The following KIAA2012 variants were observed in gnomAD, a reference collection of about 807,000 sequenced individuals.
KIAA2012 encodes the protein KIAA2012, also known as uncharacterized protein KIAA2012.
KIAA2012 carries 125 observed loss-of-function variants against 150.6 expected under a neutral mutation model. The ratio of observed to expected loss-of-function variants is 0.83; its 90% CI spans 0.72 to 0.96. The LOEUF is 0.96. Ranked by LOEUF, KIAA2012 falls within the 40% of genes least tolerant of loss-of-function variation. KIAA2012 has a pLI of 0.00. For missense variants in KIAA2012, 1,219 were observed against 1,354.9 expected (o/e 0.90, Z 1.57); for synonymous variants, 462 against 504.7 (o/e 0.92, Z 1.13).
chr2:202,086,167 C>CAAAAAAAAAAAAAA (rs56207993), intron 2 of KIAA2012, among the ~76,000 whole-genome samples: 1 of 90,144 alleles, frequency 1.1e-5, no homozygotes, highest in Non-Finnish European at 2.1e-5. Flanking sequence ...AACTCTGTCT[C>CAAAAAAAAAAAAAA]AAAAAAAAAA....
intron 11 of KIAA2012, among the ~76,000 whole-genome samples, chr2:202,124,860 G>A (rs770424733): frequency 4.6e-5 from 7 of 152,084 alleles, no homozygotes; most frequent in African/African-American, 7.2e-5. Context: ...ACTTGAGGTC[G>A]GGAGTCGAGA....
intron 14 of KIAA2012, among the ~76,000 whole-genome samples, chr2:202,161,043 G>A (rs1045733912): frequency 3.9e-5 from 6 of 152,168 alleles, no homozygotes; most frequent in Non-Finnish European, 1.5e-5. Flanking sequence ...AGGATGGCTG[G>A]AAGGTTTTCC....
intron 21 of KIAA2012, among the ~76,000 whole-genome samples, chr2:202,194,586 T>G (rs1692380866): frequency 6.6e-6 from 1 of 152,232 alleles, no homozygotes. Flanking sequence ...AGAGTCCCTT[T>G]GCCCTTTCGG....
chr2:202,074,691 C>T (rs1309122984), intron 1 of KIAA2012, among the ~76,000 whole-genome samples, 200 bp from the exon 2 acceptor site: 3 of 152,152 alleles, frequency 2.0e-5, no homozygotes, highest in Non-Finnish European at 4.4e-5. Context: ...TGAAATAGAA[C>T]CATGCCCTGG....
chr2:202,099,830 G>C, intron 6 of KIAA2012, 34 bp downstream of exon 6: 1 of 1,514,578 alleles, frequency 6.6e-7, no homozygotes, highest in Non-Finnish European at 8.9e-7. Context: ...ATTGATCTGG[G>C]TAAAGCCAGT....
chr2:202,138,920 G>C (rs550308973), intron 13 of KIAA2012, among the ~76,000 whole-genome samples: 1 of 152,294 alleles, frequency 6.6e-6, no homozygotes, highest in East Asian at 1.9e-4. Flanking sequence ...GGAGGATGGT[G>C]CTTCATCTAG....
intron 2 of KIAA2012, among the ~76,000 whole-genome samples, chr2:202,086,935 T>G (rs1689586104): frequency 6.6e-6 from 1 of 152,204 alleles, no homozygotes; most frequent in African/African-American, 2.4e-5. Context: ...GCTTTAAATC[T>G]GTTGCTCCCA....
At chr2:202,174,124 C>CCTGGCTA (rs1691948520) in intron 15 of KIAA2012, among the ~76,000 whole-genome samples, 1 of 152,150 alleles carries the variant, frequency 6.6e-6, no homozygotes, top group African/African-American at 2.4e-5. Context: ...CACCACCGCA[C>CCTGGCTA]CTGGCTAATT....
chr2:202,192,983 A>G (rs1440980537), intron 19 of KIAA2012, among the ~76,000 whole-genome samples: 5 of 152,306 alleles, frequency 3.3e-5, no homozygotes, highest in Middle Eastern at 3.4e-3. Flanking sequence ...TCTAGAACCT[A>G]CCATGTACTG....
intron 9 of KIAA2012, among the ~76,000 whole-genome samples, chr2:202,107,635 GA>G (rs1396083902): frequency 1.3e-5 from 2 of 152,116 alleles, no homozygotes; most frequent in African/African-American, 4.8e-5. Flanking sequence ...CTGCCAGGAG[GA>G]AACTGGTTTA....
At chr2:202,136,674 C>T (rs1410584156) in intron 12 of KIAA2012, 1 of 152,352 alleles carries the variant, frequency 6.6e-6, no homozygotes, top group Non-Finnish European at 1.5e-5. Context: ...CCGCGCCGGC[C>T]GACGAGCGAG....
intron 12 of KIAA2012, among the ~76,000 whole-genome samples, chr2:202,135,421 A>C (rs778133453): frequency 6.6e-6 from 1 of 152,172 alleles, no homozygotes; most frequent in Non-Finnish European, 1.5e-5. Flanking sequence ...CTTTGACTTG[A>C]TAACAGTTTC....
At position 202,134,585 on chromosome 2, in the gene KIAA2012, G is replaced by T. The variant is rs572253228; in HGVS notation, c.1832-3847G>T. 3.9e-5 allele frequency among the ~76,000 whole-genome samples: 6 copies of T among 152,230 alleles called. No homozygotes were observed. The East Asian group carries it at 1.2e-3, about 29-fold the overall frequency. Reference sequence around the variant, plus strand: ...TCTTTCTTTTTTGAGACAGAGTTTCGCTCTTGTTGCCCAGGCTGGAGTGCA... The same window carrying T: ...TCTTTCTTTTTTGAGACAGAGTTTCTCTCTTGTTGCCCAGGCTGGAGTGCA... On this transcript the variant is annotated intron_variant, in intron 12 of 23. Transcript: ENST00000498697.
intron 21 of KIAA2012, 137 bp downstream of exon 21, chr2:202,194,499 A>G: frequency 1.1e-6 from 1 of 911,740 alleles, no homozygotes. Context: ...CTATTTTTCA[A>G]AGTGATTATG....
At chr2:202,175,169 C>T (rs1345705866) in intron 15 of KIAA2012, among the ~76,000 whole-genome samples, 1 of 152,076 alleles carries the variant, frequency 6.6e-6, no homozygotes, top group African/African-American at 2.4e-5. Context: ...TCAATCTAGA[C>T]TTTGCTGATT....
chr2:202,195,101 T>C (rs1327427298), intron 21 of KIAA2012, among the ~76,000 whole-genome samples: 1 of 152,072 alleles, frequency 6.6e-6, no homozygotes, highest in African/African-American at 2.4e-5. Context: ...ACAACAATAA[T>C]TGTACATATT....
At chr2:202,135,981 C>A (rs1027484205) in intron 12 of KIAA2012, 4 of 293,366 alleles carry the variant, frequency 1.4e-5, no homozygotes, top group Non-Finnish European at 2.1e-5. Flanking sequence ...TTCCCCCAAG[C>A]TGATTCAAAT....
At chr2:202,147,100 A>G (rs374702329) in intron 13 of KIAA2012, among the ~76,000 whole-genome samples, 1 of 152,220 alleles carries the variant, frequency 6.6e-6, no homozygotes, top group African/African-American at 2.4e-5. Context: ...GAAAAGGAGA[A>G]GCTTGAAAAG....
intron 14 of KIAA2012, among the ~76,000 whole-genome samples, chr2:202,165,035 A>G (rs1409121154): frequency 6.6e-6 from 1 of 151,758 alleles, no homozygotes; most frequent in Non-Finnish European, 1.5e-5. Flanking sequence ...CAATTTTCCC[A>G]TCTCAGCCTC....
Sources: gnomAD v4.1 joint callset for allele counts (sites outside exome capture counted in the v4.1 genomes callset) on GRCh38, gnomAD v4.1.1 for gene constraint, MANE v1.5 for transcripts, NCBI Gene and HGNC (gene_info 2026-07-23, HGNC 2026-07-21) for gene names.